The following GSS variants were observed in gnomAD, a reference collection of about 807,000 sequenced individuals.
The protein encoded by GSS is GSH synthetase.
Under a neutral mutation model 60.4 loss-of-function variants are expected in GSS, and 34 were observed. The observed-to-expected ratio is 0.56, with a 90% CI of 0.43 to 0.75. The LOEUF (loss-of-function observed/expected upper bound fraction) is 0.75, where lower values mean the gene tolerates loss of function less well. GSS is among the 30% of genes least tolerant of loss of function. The probability of loss-of-function intolerance (pLI) is 0.00; values close to 1 mark genes in which losing one functional copy is unlikely to be tolerated. For missense variants in GSS, 499 were observed against 595.1 expected (o/e 0.84, Z 1.68); for synonymous variants, 224 against 239.0 (o/e 0.94, Z 0.58).
rs374682233 is a variant in GSS, at chr20:34,928,954, A to G, written c.1302-3T>C. Reference sequence around the variant, plus strand: ...TCATCACGAGTGTCTTTTCCTGCCTATAGAAATGGAGGCAGGGGACACACA... The same window carrying G: ...TCATCACGAGTGTCTTTTCCTGCCTGTAGAAATGGAGGCAGGGGACACACA... On this transcript the variant is annotated splice_region_variant and splice_polypyrimidine_tract_variant and intron_variant, in intron 12 of 12. Transcript: ENST00000651619. The G allele has an allele frequency of 1.9e-6, 3 of 1,612,874 alleles. No homozygotes were observed. Among genetic ancestry groups the G allele is most frequent in the Non-Finnish European group, 2.5e-6 (3 of 1,180,008 alleles).
Position 34,951,572 on chromosome 20 carries a change from T to C in GSS, c.129+152A>G, listed in dbSNP as rs1270552082. ...AATTTGATTACTCCAGGACACTGCC[T>C]TTTTATTTTCTACTTCTAGAGATCA... On this transcript the variant is annotated intron_variant, in intron 2 of 12. Transcript: ENST00000651619. The C allele has an allele frequency of 8.1e-6, 7 of 869,108 alleles. No individual in the cohort carries two copies. In the East Asian group the frequency reaches 1.9e-4, roughly 23 times the overall value. 53.8% of individuals were successfully genotyped at this position (869,108 alleles called of 1,614,324 possible). A position where few individuals can be genotyped will look rare whatever the true frequency, so the allele number is the denominator to read the frequency against.
At chr20:34,929,009 C>G in intron 12 of GSS, 58 bp from the exon 13 acceptor site, 1 of 1,606,124 alleles carries the variant, frequency 6.2e-7, no homozygotes, top group Non-Finnish European at 8.5e-7. Flanking sequence ...AACCCAGGAC[C>G]TTCCCTGGAC....
At position 34,929,452 on chromosome 20, in the gene GSS, G is replaced by T. The variant is rs2081381259; in HGVS notation, c.1250C>A (p.Ala417Asp). The change falls in exon 12 of 13, where the codon GCC becomes GAC. Residue 417 changes from alanine (A) to aspartate (D), a missense_variant. Ala to Asp is a moderately radical substitution (Grantham distance 126). Transcript: ENST00000651619. ...ENCLLRPGSP[A>D]RVVQCISELG... ...CTCTGAAATGCACTGGACCACTCGG[G>T]CAGGGCTGCCAGGCCGTAGCAGGCA... 6.2e-7 allele frequency: 1 copy of T among 1,614,044 alleles called. No individual in the cohort carries two copies. Among genetic ancestry groups the T allele is most frequent in the South Asian group, 1.1e-5 (1 of 91,092 alleles).
chr20:34,942,499 T>A lies in GSS; in HGVS notation c.480A>T (p.Pro160=). Residue 160 remains proline, a synonymous_variant, in exon 5 of 13, where the codon CCA becomes CCT. Coordinates refer to ENST00000651619, the MANE Select transcript of GSS (RefSeq NM_000178.4). ...CCCAGGGGACCCACCGGTGCACAGC[T>A]GGGGTCCGGGAGGCCAGGCCCCCAA... is the stretch of plus-strand genomic sequence containing the variant. ...ASFGGLASRT[P]AVHRHVLSVL... is the part of the protein sequence containing the mutation. The A allele has an allele frequency of 1.9e-6, 3 of 1,613,800 alleles. No homozygotes were observed. Among genetic ancestry groups the A allele is most frequent in the Non-Finnish European group, 2.5e-6 (3 of 1,179,934 alleles).
intron 6 of GSS, among the ~76,000 whole-genome samples, chr20:34,940,545 C>T (rs2081474568): frequency 6.6e-6 from 1 of 152,090 alleles, no homozygotes; most frequent in South Asian, 2.1e-4. Context: ...CATCACTTAG[C>T]CTTAACAATT....
chr20:34,954,714 A>G (rs571943149), intron 1 of GSS: 1 of 153,728 alleles, frequency 6.5e-6, no homozygotes, highest in African/African-American at 2.4e-5. Context: ...ATACTTTCCT[A>G]CCTTCAAACT....
At chr20:34,933,020 A>G (rs1018995504) in intron 9 of GSS, among the ~76,000 whole-genome samples, 2 of 151,926 alleles carry the variant, frequency 1.3e-5, no homozygotes, top group African/African-American at 4.8e-5. Context: ...TAATTTTTGT[A>G]TTATTTGTAG....
chr20:34,931,462 G>C, intron 10 of GSS, 45 bp from the exon 11 acceptor site: 1 of 1,496,324 alleles, frequency 6.7e-7, no homozygotes, highest in South Asian at 1.1e-5. Flanking sequence ...AAAGGCTAAA[G>C]AGGCAAGAAG....
At chr20:34,930,559 C>T (rs2081393230) in intron 11 of GSS, among the ~76,000 whole-genome samples, 1 of 152,176 alleles carries the variant, frequency 6.6e-6, no homozygotes, top group Admixed American at 6.5e-5. Flanking sequence ...ACTGTATCAG[C>T]CTCTTCCACG....
chr20:34,929,298 G>A, intron 12 of GSS, 103 bp downstream of exon 12: 2 of 1,006,976 alleles, frequency 2.0e-6, no homozygotes, highest in South Asian at 1.3e-5. Flanking sequence ...TGGCACCGAA[G>A]CCCAGGATTC....
intron 11 of GSS, among the ~76,000 whole-genome samples, chr20:34,930,252 G>A (rs1464080439): frequency 2.1e-5 from 3 of 144,458 alleles, no homozygotes; most frequent in Non-Finnish European, 3.0e-5. Flanking sequence ...GTGACAGAGC[G>A]AGAATCCGTC....
chr20:34,935,751 G>T, intron 8 of GSS, 109 bp from the exon 9 acceptor site: 1 of 800,222 alleles, frequency 1.2e-6, no homozygotes. Flanking sequence ...TCAAAATTCA[G>T]CCCACAGTGG....
At chr20:34,946,179 A>G (rs1284653705) in intron 2 of GSS, 81 bp from the exon 3 acceptor site, 9 of 1,233,418 alleles carry the variant, frequency 7.3e-6, no homozygotes, top group African/African-American at 1.5e-5. Context: ...TCCCATGGAA[A>G]GTCTGGCCTA....
chr20:34,936,998 C>T lies in GSS; in HGVS notation c.634G>A (p.Glu212Lys). ...TGGTCAAATATGTTTCTTTCCTTCT[C>T]TTGAGCAATCAGTAGCACCAGAGCA... ...PNALVLLIAQ[E>K]KERNIFDQRA... The change falls in exon 7 of 13, where the codon GAG becomes AAG. Residue 212 changes from glutamate to lysine, a missense_variant. Transcript: ENST00000651619. The T allele has an allele frequency of 6.2e-7, 1 of 1,613,924 alleles. No individual in the cohort carries two copies. Among genetic ancestry groups the T allele is most frequent in the Non-Finnish European group, 8.5e-7 (1 of 1,179,948 alleles).
chr20:34,936,625 G>A (rs1471205652), intron 8 of GSS, 138 bp downstream of exon 8: 1 of 815,638 alleles, frequency 1.2e-6, no homozygotes, highest in Non-Finnish European at 2.2e-6. Context: ...AATTTCCTGG[G>A]AGGATGAGAT....
intron 2 of GSS, among the ~76,000 whole-genome samples, chr20:34,946,950 G>C (rs975046159): frequency 1.3e-5 from 2 of 152,100 alleles, no homozygotes; most frequent in African/African-American, 4.8e-5. Flanking sequence ...CTAGAACTTG[G>C]GTAAGAGATG....
In GSS at chr20:34,951,780, G is replaced by A. The variant is rs930264754; in HGVS notation, c.73C>T (p.Arg25Trp). ...AGCAATACTCCCTCAGCCAGGGCCC[G>A]GTCCACGGCCTGCCGTGCCAGCTCC... Reference protein sequence around the residue: ...LEELARQAVDRALAEGVLLRT... With the variant: ...LEELARQAVDWALAEGVLLRT... The change falls in exon 2 of 13, where the codon CGG (arginine) becomes TGG (tryptophan). Residue 25 changes from arginine (R) to tryptophan (W), a missense_variant. By Grantham distance (101) the Arg-to-Trp change is moderately radical. Transcript: ENST00000651619. 71 of 1,613,770 alleles carry A rather than the reference G, an allele frequency of 4.4e-5. No individual in the cohort carries two copies. The highest frequency in any genetic ancestry group is 5.4e-5 in the Non-Finnish European group (64 of 1,179,912).
chr20:34,939,244 A>G (rs1448256824), intron 6 of GSS, among the ~76,000 whole-genome samples: 2 of 152,186 alleles, frequency 1.3e-5, no homozygotes, highest in Non-Finnish European at 2.9e-5. Context: ...CTGTCTCAAA[A>G]AAAAAGAAAA....
chr20:34,951,013 G>A (rs1338794385), intron 2 of GSS, among the ~76,000 whole-genome samples: 3 of 152,034 alleles, frequency 2.0e-5, no homozygotes, highest in Non-Finnish European at 4.4e-5. Flanking sequence ...ATTGAACCTG[G>A]AGAAACACTC....
Sources: allele counts gnomAD v4.1 joint callset (sites outside exome capture counted in the v4.1 genomes callset), GRCh38; gene constraint gnomAD v4.1.1; transcripts MANE v1.5; gene names NCBI Gene and HGNC (gene_info 2026-07-23, HGNC 2026-07-21).